TMEM132D: variants seen among roughly 807,000 people sequenced by gnomAD.
TMEM132D encodes the protein mature OL transmembrane protein.
TMEM132D carries 21 observed loss-of-function variants against 62.3 expected under a neutral mutation model. The observed-to-expected ratio is 0.34, with a 90% CI of 0.24 to 0.49. TMEM132D has a LOEUF of 0.49. Among genes scored for constraint, TMEM132D ranks in the 20% least tolerant of loss-of-function variants. TMEM132D has a pLI of 0.99. For synonymous variants in TMEM132D, 621 were observed against 575.6 expected (o/e 1.08, Z -1.13); for missense variants, 1,346 against 1,402.8 (o/e 0.96, Z 0.65).
chr12:129,124,057 C>T (rs925940442), intron 5 of TMEM132D, among the ~76,000 whole-genome samples: 4 of 152,112 alleles, frequency 2.6e-5, no homozygotes, highest in African/African-American at 9.7e-5. Flanking sequence ...TATGTGCAGC[C>T]GACTGGTTCT....
intron 2 of TMEM132D, among the ~76,000 whole-genome samples, chr12:129,544,881 C>T (rs545137404): frequency 6.6e-6 from 1 of 152,300 alleles, no homozygotes; most frequent in Admixed American, 6.5e-5. Context: ...TGATAACTGG[C>T]AAATGTGTTT....
chr12:129,139,309 G>A (rs1876671210), intron 5 of TMEM132D, among the ~76,000 whole-genome samples: 1 of 152,122 alleles, frequency 6.6e-6, no homozygotes, highest in South Asian at 2.1e-4. Context: ...TTTTTCAGTT[G>A]CTGTCACATG....
At chr12:129,585,195 T>G (rs1198809060) in intron 2 of TMEM132D, among the ~76,000 whole-genome samples, 1 of 152,180 alleles carries the variant, frequency 6.6e-6, no homozygotes, top group African/African-American at 2.4e-5. Context: ...AATGAAATCA[T>G]CAGAATGGTA....
chr12:129,599,796 T>C (rs868782004), intron 2 of TMEM132D, among the ~76,000 whole-genome samples: 1 of 152,240 alleles, frequency 6.6e-6, no homozygotes, highest in South Asian at 2.1e-4. Flanking sequence ...CAACATTATG[T>C]CTAAAAAAAC....
At chr12:129,816,479 G>C (rs1872348760) in intron 1 of TMEM132D, among the ~76,000 whole-genome samples, 1 of 152,094 alleles carries the variant, frequency 6.6e-6, no homozygotes. Flanking sequence ...CTGCACAACT[G>C]CCTATCCAGC....
chr12:129,648,961 T>G (rs113153695), intron 2 of TMEM132D, among the ~76,000 whole-genome samples: 4 of 152,252 alleles, frequency 2.6e-5, no homozygotes, highest in African/African-American at 9.6e-5. Context: ...TTAAGCACAC[T>G]TCAGAGTTCC....
chr12:129,171,370 C>A (rs375076928), intron 5 of TMEM132D, among the ~76,000 whole-genome samples: 80 of 152,194 alleles, frequency 5.3e-4, no homozygotes, highest in African/African-American at 1.8e-3. Context: ...AAATCTTAAA[C>A]CCCTCAAAGT....
Position 129,084,547 on chromosome 12 carries a change from G to A in TMEM132D, c.1599C>T (p.Thr533=), listed in dbSNP as rs528294635. The change falls in exon 6 of 9, where the codon ACC becomes ACT. Residue 533 remains threonine, a synonymous_variant. Transcript: ENST00000422113. ...TCCAACCCTTGATCTGATTGAGCTC[G>A]GTGTCGGAGACCTCGATCTGCAGCG... is the stretch of plus-strand genomic sequence containing the variant. ...RLPLQIEVSD[T]ELNQIKGWRV... 6.4e-5 allele frequency: 103 copies of A among 1,613,192 alleles called. No individual in the cohort carries two copies. Among genetic ancestry groups the A allele is most frequent in the Middle Eastern group, 1.7e-4 (1 of 6,054 alleles).
Position 129,879,283 on chromosome 12 carries a change from G to A in TMEM132D, c.79+23978C>T, listed in dbSNP as rs563454243. ...ATGGGAAGATTTTTAAAACAGACTG[G>A]GGTCCCACCTCAAATCAAATACATC... On this transcript the variant is annotated intron_variant, in intron 1 of 8. Coordinates refer to ENST00000422113, the MANE Select transcript of TMEM132D (RefSeq NM_133448.3). 5.6e-4 allele frequency among the ~76,000 whole-genome samples: 85 copies of A among 152,244 alleles called. 1 individual carries two copies. The highest frequency in any genetic ancestry group is 4.1e-3 in the South Asian group (20 of 4,830).
At chr12:129,170,739 T>A (rs995288393) in intron 5 of TMEM132D, among the ~76,000 whole-genome samples, 1 of 151,860 alleles carries the variant, frequency 6.6e-6, no homozygotes, top group Non-Finnish European at 1.5e-5. Flanking sequence ...GCAGGAGAAT[T>A]GCTTGAACCT....
chr12:129,349,058 G>A (rs1869783623), intron 3 of TMEM132D, among the ~76,000 whole-genome samples: 1 of 152,196 alleles, frequency 6.6e-6, no homozygotes, highest in Non-Finnish European at 1.5e-5. Context: ...CCTTTAAGCT[G>A]CTCTTCAGGG....
At chr12:129,821,069 T>C (rs1334179098) in intron 1 of TMEM132D, among the ~76,000 whole-genome samples, 6 of 152,230 alleles carry the variant, frequency 3.9e-5, no homozygotes, top group Non-Finnish European at 8.8e-5. Context: ...ACAATGGATC[T>C]GAAATTAGCC....
At chr12:129,113,141 G>A (rs1228646804) in intron 5 of TMEM132D, 2 of 152,158 alleles carry the variant, frequency 1.3e-5, no homozygotes, top group Non-Finnish European at 2.9e-5. Flanking sequence ...ATGGCATCTG[G>A]ACATCGAGAA....
Position 129,773,343 on chromosome 12 carries a change from C to T in TMEM132D, c.80-72645G>A, listed in dbSNP as rs569201947. On this transcript the variant is annotated intron_variant, in intron 1 of 8. Coordinates refer to ENST00000422113, the MANE Select transcript of TMEM132D (RefSeq NM_133448.3). Reference sequence around the variant, plus strand: ...ACAGCCAACAGCTTAATTGTGGAGGCTGCCACGTGTCATGAAGACAATAGC... The same window carrying T: ...ACAGCCAACAGCTTAATTGTGGAGGTTGCCACGTGTCATGAAGACAATAGC... 9.2e-5 allele frequency among the ~76,000 whole-genome samples: 14 copies of T among 152,260 alleles called. No individual in the cohort carries two copies. The South Asian group carries it at 2.9e-3, about 32-fold the overall frequency.
intron 5 of TMEM132D, among the ~76,000 whole-genome samples, chr12:129,101,996 T>C (rs1875325211): frequency 7.1e-6 from 1 of 141,182 alleles, no homozygotes; most frequent in Non-Finnish European, 1.5e-5. Flanking sequence ...TTTTTTTTTT[T>C]TTTCTCTCTC....
At chr12:129,567,192 T>C (rs1419482956) in intron 2 of TMEM132D, among the ~76,000 whole-genome samples, 1 of 152,256 alleles carries the variant, frequency 6.6e-6, no homozygotes, top group Non-Finnish European at 1.5e-5. Flanking sequence ...CCTGATGACA[T>C]TGGTGCTGAT....
chr12:129,142,882 G>A (rs1876782943), intron 5 of TMEM132D, among the ~76,000 whole-genome samples: 1 of 152,110 alleles, frequency 6.6e-6, no homozygotes, highest in Non-Finnish European at 1.5e-5. Context: ...TTTCCAGATG[G>A]AGTCCCATTG....
chr12:129,091,531 G>A (rs969749025), intron 5 of TMEM132D, among the ~76,000 whole-genome samples: 1 of 151,566 alleles, frequency 6.6e-6, no homozygotes, highest in African/African-American at 2.4e-5. Flanking sequence ...TGCTCACCTG[G>A]GCTCTGGGGA....
At chr12:129,738,073 CA>C (rs1869485464) in intron 1 of TMEM132D, among the ~76,000 whole-genome samples, 1 of 152,200 alleles carries the variant, frequency 6.6e-6, no homozygotes, top group Non-Finnish European at 1.5e-5. Flanking sequence ...CATTACTGAA[CA>C]AGCTAAGGAG....
Sources: allele counts gnomAD v4.1 joint callset (sites outside exome capture counted in the v4.1 genomes callset), GRCh38; gene constraint gnomAD v4.1.1; transcripts MANE v1.5; gene names NCBI Gene and HGNC (gene_info 2026-07-23, HGNC 2026-07-21).